Variants in NEO1 observed in about 807,000 individuals in gnomAD.
NEO1 encodes neogenin 1.
In NEO1, 63 loss-of-function variants were observed where a neutral mutation model predicts 159.7. The ratio of observed to expected loss-of-function variants is 0.39; its 90% confidence interval spans 0.32 to 0.49. The LOEUF is 0.49. Ranked by LOEUF, NEO1 falls within the 20% of genes least tolerant of loss-of-function variation. The probability of loss-of-function intolerance (pLI) is 0.85; values close to 1 mark genes in which losing one functional copy is unlikely to be tolerated. For missense variants in NEO1, 1,615 were observed against 1,831.0 expected (o/e 0.88, Z 2.15); for synonymous variants, 633 against 662.0 (o/e 0.96, Z 0.67).
chr15:73,162,415 CAG>C (rs1161216586), intron 5 of NEO1: 1 of 149,622 alleles, frequency 6.7e-6, no homozygotes, highest in East Asian at 1.9e-4. Context: ...GTTGTTGAGA[CAG>C]AGTCTCACTC....
chr15:73,285,169 A>G (rs561067210), intron 23 of NEO1, among the ~76,000 whole-genome samples: 1 of 152,162 alleles, frequency 6.6e-6, no homozygotes, highest in East Asian at 1.9e-4. Context: ...ACCCAGGCTG[A>G]AGTGCAGTGG....
intron 7 of NEO1, among the ~76,000 whole-genome samples, chr15:73,217,969 T>C (rs1178446668): frequency 5.3e-5 from 8 of 151,804 alleles, no homozygotes; most frequent in Non-Finnish European, 1.0e-4. Context: ...CTATGTTGAA[T>C]AGGAGTGGTG....
intron 5 of NEO1, among the ~76,000 whole-genome samples, chr15:73,152,708 T>C (rs2033471477): frequency 6.6e-6 from 1 of 152,014 alleles, no homozygotes; most frequent in Non-Finnish European, 1.5e-5. Context: ...TGAGCCCTCA[T>C]CATGTGCAAT....
chr15:73,114,347 A>G (rs2151598801), intron 1 of NEO1, among the ~76,000 whole-genome samples: 1 of 152,306 alleles, frequency 6.6e-6, no homozygotes, highest in East Asian at 1.9e-4. Flanking sequence ...GTTTCTTTGT[A>G]AAAGGCAACG....
chr15:73,278,292 G>A, intron 22 of NEO1, 93 bp downstream of exon 22: 1 of 1,118,332 alleles, frequency 8.9e-7, no homozygotes, highest in South Asian at 1.4e-5. Context: ...TGTGTGTGGT[G>A]GGTTGTAGCA....
intron 1 of NEO1, among the ~76,000 whole-genome samples, chr15:73,104,355 G>GT (rs1303032743): frequency 2.0e-5 from 3 of 152,124 alleles, no homozygotes; most frequent in African/African-American, 4.8e-5. Context: ...CTAATTCTTA[G>GT]TTTTTTTGTT....
chr15:73,234,434 C>T (rs1295871980), intron 7 of NEO1, among the ~76,000 whole-genome samples: 1 of 152,174 alleles, frequency 6.6e-6, no homozygotes, highest in Non-Finnish European at 1.5e-5. Flanking sequence ...CCTTCCTAAC[C>T]TTTATCTCAG....
intron 1 of NEO1, among the ~76,000 whole-genome samples, chr15:73,068,231 C>CCA (rs1555421037): frequency 2.5e-5 from 3 of 120,562 alleles, no homozygotes; most frequent in Non-Finnish European, 5.3e-5. Context: ...CTACCCCCCC[C>CCA]CCTTTTTTTT....
rs141510974 is a variant in NEO1 at position 73,238,370 on chromosome 15, A to G, written c.1451+1864A>G. On this transcript the variant is annotated intron_variant, in intron 8 of 28. Coordinates refer to ENST00000261908, the MANE Select transcript of NEO1 (RefSeq NM_002499.4). Reference sequence around the variant, plus strand: ...TTTATTCTGTCTGTCTTGTTCAATAAAATTCTCCAGCACCTGGAACAGAGC... The same window carrying G: ...TTTATTCTGTCTGTCTTGTTCAATAGAATTCTCCAGCACCTGGAACAGAGC... Among the ~76,000 whole-genome samples the G allele has an allele frequency of 8.7e-3, 1,252 of 144,524 alleles. 19 individuals are homozygous for G. Among genetic ancestry groups the G allele is most frequent in the African/African-American group, 0.031 (1,182 of 38,448 alleles). The allele number at this position is 144,524 out of a possible 152,430, so 94.8% of individuals were successfully genotyped here. A position where few individuals can be genotyped will look rare whatever the true frequency, so the allele number is the denominator to read the frequency against.
intron 7 of NEO1, 154 bp from the exon 8 acceptor site, chr15:73,236,193 G>GT: frequency 2.0e-6 from 2 of 1,015,374 alleles, no homozygotes; most frequent in Non-Finnish European, 1.4e-6. Flanking sequence ...TCGTGGTTTT[G>GT]TTTATTTCTT....
At chr15:73,138,673 G>A (rs140066602) in intron 5 of NEO1, among the ~76,000 whole-genome samples, 31 of 151,412 alleles carry the variant, frequency 2.0e-4, no homozygotes, top group Admixed American at 1.4e-3. Context: ...GGAGAATGGC[G>A]TGAACCTGGG....
chr15:73,079,857 T>A (rs2068955001), intron 1 of NEO1, among the ~76,000 whole-genome samples: 1 of 152,196 alleles, frequency 6.6e-6, no homozygotes, highest in African/African-American at 2.4e-5. Context: ...CAAAGCAGAT[T>A]GTATTAGAGG....
intron 5 of NEO1, among the ~76,000 whole-genome samples, chr15:73,174,112 G>T (rs1013732688): frequency 2.2e-5 from 3 of 135,888 alleles, no homozygotes; most frequent in Non-Finnish European, 4.9e-5. Flanking sequence ...AAAAAAAAAA[G>T]AATTATTAAC....
chr15:73,293,327 C>G (rs2042228413), intron 25 of NEO1, 63 bp from the exon 26 acceptor site: 2 of 1,593,376 alleles, frequency 1.3e-6, no homozygotes, highest in Admixed American at 3.4e-5. Context: ...TGCTCTTAAA[C>G]TGTGATTTGT....
At chr15:73,104,569 T>C (rs1567202062) in intron 1 of NEO1, among the ~76,000 whole-genome samples, 1 of 152,180 alleles carries the variant, frequency 6.6e-6, no homozygotes, top group Admixed American at 6.5e-5. Flanking sequence ...ATGCTAAAAT[T>C]AGAAAAAGTT....
intron 25 of NEO1, 43 bp from the exon 26 acceptor site, chr15:73,293,347 T>G (rs1196976238): frequency 1.1e-5 from 17 of 1,609,102 alleles, no homozygotes; most frequent in African/African-American, 2.7e-5. Flanking sequence ...TGTGTGTTTG[T>G]GCAAGCATGT....
intron 7 of NEO1, among the ~76,000 whole-genome samples, chr15:73,182,893 C>T (rs565919356): frequency 6.6e-6 from 1 of 152,262 alleles, no homozygotes; most frequent in African/African-American, 2.4e-5. Flanking sequence ...CACACAACCC[C>T]CTCAAAGGCA....
At chr15:73,175,874 G>A (rs1048005576) in intron 5 of NEO1, among the ~76,000 whole-genome samples, 1 of 152,112 alleles carries the variant, frequency 6.6e-6, no homozygotes, top group Non-Finnish European at 1.5e-5. Flanking sequence ...TCCTTTCCCC[G>A]TCACCCTGTA....
At chr15:73,135,442 G>A (rs748017304) in intron 4 of NEO1, among the ~76,000 whole-genome samples, 1 of 152,058 alleles carries the variant, frequency 6.6e-6, no homozygotes, top group Non-Finnish European at 1.5e-5. Flanking sequence ...TTACTGTTTC[G>A]GATCTAACAT....
Sources: gnomAD v4.1 joint callset for allele counts (sites outside exome capture counted in the v4.1 genomes callset) on GRCh38, gnomAD v4.1.1 for gene constraint, MANE v1.5 for transcripts, NCBI Gene and HGNC (gene_info 2026-07-23, HGNC 2026-07-21) for gene names.